The following DSCAM variants were observed in gnomAD, a reference collection of about 807,000 sequenced individuals.
DSCAM encodes DS cell adhesion molecule.
In DSCAM, 47 loss-of-function variants were observed where a neutral mutation model predicts 217.7. The observed-to-expected ratio is 0.22, with a 90% CI of 0.17 to 0.28. The LOEUF is 0.28. Among genes scored for constraint, DSCAM ranks in the 10% least tolerant of loss-of-function variants. DSCAM has a pLI of 1.00. For synonymous variants in DSCAM, 1,056 were observed against 1,015.3 expected (o/e 1.04, Z -0.76); for missense variants, 2,080 against 2,618.3 (o/e 0.79, Z 4.49).
intron 1 of DSCAM, among the ~76,000 whole-genome samples, chr21:40,822,628 G>A (rs113430952): frequency 0.014 from 2,181 of 152,130 alleles, 20 homozygotes; most frequent in Non-Finnish European, 0.024. Context: ...GCCCATTGGT[G>A]AGTTTACACT....
intron 3 of DSCAM, among the ~76,000 whole-genome samples, chr21:40,499,888 C>A (rs2076157680): frequency 6.6e-6 from 1 of 152,124 alleles, no homozygotes; most frequent in Non-Finnish European, 1.5e-5. Context: ...TCAAGTGATT[C>A]TCTTGCCTCA....
chr21:40,273,616 T>C (rs566931067), intron 11 of DSCAM, among the ~76,000 whole-genome samples: 2 of 152,356 alleles, frequency 1.3e-5, no homozygotes, highest in Admixed American at 6.5e-5. Flanking sequence ...CGAACTCAGA[T>C]GCTGCAGCTT....
At chr21:40,771,348 G>A (rs1256837812) in intron 1 of DSCAM, among the ~76,000 whole-genome samples, 1 of 152,246 alleles carries the variant, frequency 6.6e-6, no homozygotes, top group African/African-American at 2.4e-5. Context: ...GATTGAAACG[G>A]ATGGAGGAGG....
At position 40,013,086 on chromosome 21, in the gene DSCAM, C is replaced by A; in HGVS notation, c.5987G>T (p.Arg1996Leu). The change falls in exon 33 of 33, where the codon CGG (arginine) becomes CTG (leucine). Residue 1996 changes from arginine to leucine, a missense_variant. Coordinates refer to ENST00000400454, the MANE Select transcript of DSCAM (RefSeq NM_001389.5). ...AGGATTGTTTCCTTTCAAATGGCCC[C>A]GGGAGTCGAGCAGTGATTCTTGGGA... ...SSSQESLLDS[R>L]GHLKGNNPYA... is the part of the protein sequence containing the mutation. The A allele has an allele frequency of 1.3e-6, 2 of 1,579,718 alleles. No individual in the cohort carries two copies. Among genetic ancestry groups the A allele is most frequent in the South Asian group, 2.3e-5 (2 of 85,236 alleles).
intron 1 of DSCAM, among the ~76,000 whole-genome samples, chr21:40,783,892 T>C (rs2091568965): frequency 6.6e-6 from 1 of 152,170 alleles, no homozygotes; most frequent in Non-Finnish European, 1.5e-5. Flanking sequence ...CATTCTTCTC[T>C]TTCTTCACAT....
At chr21:40,357,929 T>C (rs980321573) in intron 4 of DSCAM, among the ~76,000 whole-genome samples, 6 of 152,188 alleles carry the variant, frequency 3.9e-5, no homozygotes, top group African/African-American at 9.7e-5. Flanking sequence ...ATACAGATTT[T>C]AGTTACACTA....
chr21:40,157,115 G>T (rs1423506353), intron 16 of DSCAM, among the ~76,000 whole-genome samples: 1 of 152,116 alleles, frequency 6.6e-6, no homozygotes, highest in Non-Finnish European at 1.5e-5. Context: ...AAAAGAGGAA[G>T]AATATTTTGT....
chr21:40,362,872 G>A (rs1285264586), intron 4 of DSCAM, among the ~76,000 whole-genome samples: 2 of 152,212 alleles, frequency 1.3e-5, no homozygotes, highest in African/African-American at 4.8e-5. Context: ...ACACACACAT[G>A]TATGTATAAA....
intron 3 of DSCAM, among the ~76,000 whole-genome samples, chr21:40,472,090 G>A (rs2075894157): frequency 6.6e-6 from 1 of 152,222 alleles, no homozygotes; most frequent in African/African-American, 2.4e-5. Flanking sequence ...GGCACAGAAA[G>A]GAGCAGAGAT....
intron 32 of DSCAM, among the ~76,000 whole-genome samples, chr21:40,036,630 A>G (rs201424844): frequency 0.039 from 5,762 of 147,720 alleles, 631 homozygotes; most frequent in East Asian, 0.38. Context: ...TATTCCAATC[A>G]ATAGAAAAAG....
At position 40,615,081 on chromosome 21, in the gene DSCAM, A is replaced by G. The variant is rs139683083; in HGVS notation, c.508+77729T>C. ...CACTTTGGGAGGCCGAGGCGGGCAGATCACCTAAGGTCAGAAGTTTGAGAC... is the reference window on the plus strand; with the variant it reads ...CACTTTGGGAGGCCGAGGCGGGCAGGTCACCTAAGGTCAGAAGTTTGAGAC... On this transcript the variant is annotated intron_variant, in intron 3 of 32. Transcript: ENST00000400454. Among the ~76,000 whole-genome samples, 877 of 151,960 alleles carry G rather than the reference A, an allele frequency of 5.8e-3. 12 individuals carry two copies. The highest frequency in any genetic ancestry group is 0.02 in the African/African-American group (841 of 41,488).
At chr21:40,275,329 CA>C (rs577730941) in intron 11 of DSCAM, among the ~76,000 whole-genome samples, 7 of 150,086 alleles carry the variant, frequency 4.7e-5, no homozygotes, top group Middle Eastern at 6.8e-3. Flanking sequence ...GCCTCTGCCT[CA>C]AAAAAAAAGT....
At chr21:40,682,212 C>A (rs1259087395) in intron 3 of DSCAM, among the ~76,000 whole-genome samples, 1 of 151,850 alleles carries the variant, frequency 6.6e-6, no homozygotes, top group African/African-American at 2.4e-5. Context: ...AGTGAATAAG[C>A]AGGACCAGGA....
At chr21:40,786,527 C>T (rs1216464493) in intron 1 of DSCAM, among the ~76,000 whole-genome samples, 1 of 151,906 alleles carries the variant, frequency 6.6e-6, no homozygotes, top group Non-Finnish European at 1.5e-5. Context: ...AACGAGACAC[C>T]CAGGAGACTT....
At chr21:40,301,054 T>C (rs921657418) in intron 9 of DSCAM, among the ~76,000 whole-genome samples, 1 of 152,188 alleles carries the variant, frequency 6.6e-6, no homozygotes, top group African/African-American at 2.4e-5. Context: ...AGGAATGACA[T>C]CCCAAATAAA....
At chr21:40,281,471 T>G (rs547905632) in intron 10 of DSCAM, among the ~76,000 whole-genome samples, 1 of 152,152 alleles carries the variant, frequency 6.6e-6, no homozygotes, top group Non-Finnish European at 1.5e-5. Context: ...GAGAAATATA[T>G]ATATATAGCG....
intron 3 of DSCAM, among the ~76,000 whole-genome samples, chr21:40,414,381 A>T (rs2075351359): frequency 6.6e-6 from 1 of 152,236 alleles, no homozygotes; most frequent in Non-Finnish European, 1.5e-5. Context: ...GCATATTTTA[A>T]ATGTTTAATA....
intron 10 of DSCAM, among the ~76,000 whole-genome samples, chr21:40,286,655 C>T (rs772034206): frequency 2.0e-5 from 3 of 149,728 alleles, no homozygotes; most frequent in Non-Finnish European, 3.0e-5. Context: ...AATGTACAAC[C>T]TGCAGTGTGT....
intron 3 of DSCAM, among the ~76,000 whole-genome samples, chr21:40,615,027 G>A (rs1438980835): frequency 6.6e-6 from 1 of 151,708 alleles, no homozygotes; most frequent in Non-Finnish European, 1.5e-5. Flanking sequence ...ATGGGGGCCA[G>A]GCGTAGTGGC....
Sources: gnomAD v4.1 joint callset for allele counts (sites outside exome capture counted in the v4.1 genomes callset) on GRCh38, gnomAD v4.1.1 for gene constraint, MANE v1.5 for transcripts, NCBI Gene and HGNC (gene_info 2026-07-23, HGNC 2026-07-21) for gene names.